ADGRB2: variants seen among roughly 807,000 people sequenced by gnomAD.
ADGRB2 encodes the protein brain-specific angiogenesis inhibitor 2.
In ADGRB2, 47 loss-of-function variants were observed where a neutral mutation model predicts 178.7. The observed-to-expected ratio is 0.26, with a 90% CI of 0.21 to 0.34. The LOEUF (loss-of-function observed/expected upper bound fraction) is 0.34. Among genes scored for constraint, ADGRB2 ranks in the 10% least tolerant of loss-of-function variants. The pLI, the probability that ADGRB2 is intolerant of heterozygous loss-of-function variation, is 1.00. For synonymous variants in ADGRB2, 870 were observed against 912.4 expected (o/e 0.95, Z 0.84); for missense variants, 1,584 against 2,180.8 (o/e 0.73, Z 5.45).
Position 31,759,394 on chromosome 1 carries a change from T to A in ADGRB2, c.-190-1883A>T. The A allele has an allele frequency of 1.3e-6, 1 of 779,472 alleles. No individual in the cohort carries two copies. The highest frequency in any genetic ancestry group is 2.4e-6 in the Non-Finnish European group (1 of 417,822). The allele number at this position is 779,472 out of a possible 1,614,324, so 48.3% of individuals were successfully genotyped here. ...GCAGGATCCTCTGCGGGGTCTTCCT[T>A]TGCATGTCTGAAGCTGGATCTCCCT... On this transcript the variant is annotated intron_variant, in intron 1 of 32. Transcript: ENST00000373658. This position sits in a 1 kb window ranked among gnomAD's most constrained non-coding sequence, Gnocchi z 4.3.
At chr1:31,763,824 G>C (rs1029327250) in intron 1 of ADGRB2, 60 bp downstream of exon 1, 139 of 984,990 alleles carry the variant, frequency 1.4e-4, no homozygotes, top group Non-Finnish European at 1.5e-4. Flanking sequence ...GCGGAAACTC[G>C]GGACCGCGCC....
intron 4 of ADGRB2, among the ~76,000 whole-genome samples, chr1:31,747,424 C>G (rs1646333746): frequency 6.6e-6 from 1 of 152,112 alleles, no homozygotes; most frequent in African/African-American, 2.4e-5. Context: ...TCAGCATGTC[C>G]AAGAAGCCCA....
In ADGRB2 at chr1:31,736,712, G is replaced by A. The variant is rs549747953; in HGVS notation, c.2991C>T (p.Thr997=). 6.2e-7 allele frequency: 1 copy of A among 1,613,816 alleles called. No homozygotes were observed. The highest frequency in any genetic ancestry group is 2.2e-5 in the East Asian group (1 of 44,870). Reference sequence around the variant, plus strand: ...AGAAGTGCAGGAAGGCAGCCGTCATGGTGCACACGCCCTGCAGGGAGAGGG... The same window carrying A: ...AGAAGTGCAGGAAGGCAGCCGTCATAGTGCACACGCCCTGCAGGGAGAGGG... ...QSRVLSKGVC[T]MTAAFLHFFF... The change falls in exon 21 of 33, where the codon ACC becomes ACT. Residue 997 remains threonine (T), a synonymous_variant. Coordinates refer to ENST00000373658, the MANE Select transcript of ADGRB2 (RefSeq NM_001364857.2).
chr1:31,759,995 C>T lies in ADGRB2; in HGVS notation c.-190-2484G>A, dbSNP rs1298141291. On this transcript the variant is annotated intron_variant, in intron 1 of 32. Transcript: ENST00000373658. The surrounding 1 kb of genome is among the most constrained non-coding windows in gnomAD (Gnocchi z 4.3). ...AACAAGTTCCCAGCACAGAGCCTAG[C>T]TCACAGCCCTGTCTCCTCTCTGTCT... Among the ~76,000 whole-genome samples the T allele has an allele frequency of 6.6e-6, 1 of 152,158 alleles. No individual in the cohort carries two copies. Among genetic ancestry groups the T allele is most frequent in the African/African-American group, 2.4e-5 (1 of 41,434 alleles).
intron 1 of ADGRB2, chr1:31,760,713 C>G (rs1162425809): frequency 6.6e-6 from 1 of 151,644 alleles, no homozygotes; most frequent in African/African-American, 2.4e-5. Context: ...GCCGCCCGAC[C>G]TGCCCAGGCC....
chr1:31,742,264 G>A (rs1262301977), intron 7 of ADGRB2, 47 bp from the exon 8 acceptor site: 1 of 1,554,184 alleles, frequency 6.4e-7, no homozygotes, highest in African/African-American at 1.4e-5. Context: ...CAGGATGTGT[G>A]AGGGCTGGTG....
intron 4 of ADGRB2, among the ~76,000 whole-genome samples, chr1:31,746,548 C>T (rs1646282480): frequency 6.6e-6 from 1 of 152,190 alleles, no homozygotes; most frequent in Admixed American, 6.5e-5. Flanking sequence ...TCCACATCCG[C>T]TGGGCGCCCG....
Position 31,740,316 on chromosome 1 carries a change from A to AC in ADGRB2, c.1989+30dup. 6.2e-7 allele frequency: 1 copy of AC among 1,604,644 alleles called. No homozygotes were observed. Among genetic ancestry groups the AC allele is most frequent in the South Asian group, 1.1e-5 (1 of 90,152 alleles). ...TCCCGCTTCAGTTTGGGCCTTCTCC[A>AC]CCCTCCGCCCTCCTTCCTCCTAGGC... is the stretch of plus-strand genomic sequence containing the variant. On this transcript the variant is annotated intron_variant, in intron 12 of 32. Coordinates refer to ENST00000373658, the MANE Select transcript of ADGRB2 (RefSeq NM_001364857.2). This position sits in a 1 kb window ranked among gnomAD's most constrained non-coding sequence, Gnocchi z 5.9.
rs1395010823 is a variant in ADGRB2, at chr1:31,742,983, C to G, written c.1107G>C (p.Glu369Asp). 6.6e-7 allele frequency: 1 copy of G among 1,523,328 alleles called. No homozygotes were observed. Among genetic ancestry groups the G allele is most frequent in the Admixed American group, 2.0e-5 (1 of 49,646 alleles). The allele number at this position is 1,523,328 out of a possible 1,614,324, so 94.4% of individuals were successfully genotyped here. A position where few individuals can be genotyped will look rare whatever the true frequency, so the allele number is the denominator to read the frequency against. Residue 369 changes from glutamate (E) to aspartate (D), a missense_variant, in exon 7 of 33, where the codon GAG becomes GAC. Glu to Asp is a conservative substitution (Grantham distance 45, BLOSUM62 2). Transcript: ENST00000373658. ...GGGAGCACAGGCTCCAGGACCCCCA[C>G]TCCTCCCACACGCCGTGCACTGCAA... ...ATCPVHGVWEEWGSWSLCSRS... is the reference protein window; with the variant it reads ...ATCPVHGVWEDWGSWSLCSRS...
chr1:31,760,430 C>T (rs764343995), intron 1 of ADGRB2, among the ~76,000 whole-genome samples: 1 of 152,186 alleles, frequency 6.6e-6, no homozygotes, highest in African/African-American at 2.4e-5. Context: ...CAGGGCTCCC[C>T]AGCTTCCCTT....
rs1191819018 is a variant in ADGRB2 at position 31,755,039 on chromosome 1, A to G, written c.838+960T>C. On this transcript the variant is annotated intron_variant, in intron 4 of 32. Transcript: ENST00000373658. The surrounding 1 kb of genome is among the most constrained non-coding windows in gnomAD (Gnocchi z 5.1). ...GGATAAGCCAGCACCTGTATCCCAAATGGGGAAACTGAGGCCCAGAGAGAG... is the reference window on the plus strand; with the variant it reads ...GGATAAGCCAGCACCTGTATCCCAAGTGGGGAAACTGAGGCCCAGAGAGAG... 2.0e-5 allele frequency among the ~76,000 whole-genome samples: 3 copies of G among 152,184 alleles called. No individual in the cohort carries two copies.
rs1478529165 is a variant in ADGRB2, at chr1:31,756,523, A to G, written c.314T>C (p.Val105Ala). The change falls in exon 4 of 33, where the codon GTC becomes GCC. Residue 105 changes from valine (V) to alanine (A), a missense_variant. Transcript: ENST00000373658. This position sits in a 1 kb window ranked among gnomAD's most constrained non-coding sequence, Gnocchi z 8.5. The part of the protein sequence containing the change: ...PRLLPLDHYL[V>A]NFTCLRPSPE... ...GCTAGGCCGCAGGCAGGTAAAGTTG[A>G]CCAGGTAGTGGTCCAGGGGCAGCAG... 6.2e-7 allele frequency: 1 copy of G among 1,613,222 alleles called. No individual in the cohort carries two copies. The highest frequency in any genetic ancestry group is 1.1e-5 in the South Asian group (1 of 90,998).
chr1:31,760,038 C>G (rs952538538), intron 1 of ADGRB2, among the ~76,000 whole-genome samples: 1 of 152,182 alleles, frequency 6.6e-6, no homozygotes. Context: ...ACCTCATAAA[C>G]GCTGCCCTCT....
Position 31,740,544 on chromosome 1 carries a change from G to T in ADGRB2, c.1795-3C>A. ...CCCTTGGCCAGGTGCTCCCTAAGCT[G>T]TAGGTGATGAGGGGGCCACAGTCAC... is the stretch of plus-strand genomic sequence containing the variant. On this transcript the variant is annotated splice_region_variant and splice_polypyrimidine_tract_variant and intron_variant, in intron 11 of 32. Coordinates refer to ENST00000373658, the MANE Select transcript of ADGRB2 (RefSeq NM_001364857.2). The surrounding 1 kb of genome is among the most constrained non-coding windows in gnomAD (Gnocchi z 5.9). The T allele has an allele frequency of 6.3e-7, 1 of 1,595,018 alleles. No homozygotes were observed. The highest frequency in any genetic ancestry group is 1.1e-5 in the South Asian group (1 of 88,746).
chr1:31,744,641 G>A lies in ADGRB2; in HGVS notation c.922+7C>T, dbSNP rs200247580. On this transcript the variant is annotated splice_region_variant and intron_variant, in intron 5 of 32. Transcript: ENST00000373658. The surrounding 1 kb of genome is among the most constrained non-coding windows in gnomAD (Gnocchi z 6.7). ...GCCGCAGAGGAAGGGAGGCGGGCCC[G>A]AGTTACCTGTCTGCGCCATGTATAG... The A allele has an allele frequency of 6.4e-5, 103 of 1,613,894 alleles. No homozygotes were observed. The highest frequency in any genetic ancestry group is 8.2e-5 in the Non-Finnish European group (97 of 1,179,896).
chr1:31,729,466 A>T (rs931522870), intron 29 of ADGRB2, among the ~76,000 whole-genome samples: 3 of 151,976 alleles, frequency 2.0e-5, no homozygotes, highest in Non-Finnish European at 4.4e-5. Flanking sequence ...CTGTAATACT[A>T]GGCACTCACA....
Position 31,741,813 on chromosome 1 carries a change from C to G in ADGRB2, c.1572G>C (p.Glu524Asp). 1.3e-6 allele frequency: 2 copies of G among 1,593,528 alleles called. No homozygotes were observed. Among genetic ancestry groups the G allele is most frequent in the Non-Finnish European group, 1.7e-6 (2 of 1,166,074 alleles). ...GTGEEVKPCS[E>D]KRCPAFHEMC... The stretch of plus-strand genomic sequence containing the variant: ...TTAGGGCAGTACCTGGACACCTCTT[C>G]TCACTACAAGGCTTCACCTCCTCTC... Residue 524 changes from glutamate (E) to aspartate (D), a missense_variant, in exon 9 of 33, where the codon GAG becomes GAC. Physicochemically the swap from Glu to Asp is conservative, Grantham distance 45 (BLOSUM62 2). Transcript: ENST00000373658. The surrounding 1 kb of genome is among the most constrained non-coding windows in gnomAD (Gnocchi z 6.5).
At chr1:31,745,907 T>G (rs1249444952) in intron 4 of ADGRB2, among the ~76,000 whole-genome samples, 1 of 152,170 alleles carries the variant, frequency 6.6e-6, no homozygotes, top group Non-Finnish European at 1.5e-5. Context: ...GGCTCAGAAC[T>G]GCCACCCAGC....
rs182815963 is a variant in ADGRB2 at position 31,754,327 on chromosome 1, C to T, written c.838+1672G>A. On this transcript the variant is annotated intron_variant, in intron 4 of 32. Transcript: ENST00000373658. This position sits in a 1 kb window ranked among gnomAD's most constrained non-coding sequence, Gnocchi z 5.7. Reference sequence around the variant, plus strand: ...CATGAGGGCAGAGCCTTGCTCCGTCCACTGCAGATCACTGGACCGATGGAC... The same window carrying T: ...CATGAGGGCAGAGCCTTGCTCCGTCTACTGCAGATCACTGGACCGATGGAC... Among the ~76,000 whole-genome samples, 11 of 152,392 alleles carry T rather than the reference C, an allele frequency of 7.2e-5. No homozygotes were observed. Among genetic ancestry groups the T allele is most frequent in the Admixed American group, 2.0e-4 (3 of 15,310 alleles).
Sources: allele counts gnomAD v4.1 joint callset (sites outside exome capture counted in the v4.1 genomes callset), GRCh38; gene constraint gnomAD v4.1.1; non-coding constraint Gnocchi (gnomAD v3.1); transcripts MANE v1.5; gene names NCBI Gene and HGNC (gene_info 2026-07-23, HGNC 2026-07-21).